Variants in GPHN observed in about 807,000 individuals in gnomAD.
GPHN encodes gephyrin.
GPHN carries 17 observed loss-of-function variants against 95.5 expected under a neutral mutation model. That is an observed-to-expected ratio of 0.18 (90% CI 0.12 to 0.27). The LOEUF (loss-of-function observed/expected upper bound fraction) is 0.27, where lower values mean the gene tolerates loss of function less well. Ranked by LOEUF, GPHN falls within the 10% of genes least tolerant of loss-of-function variation. The pLI, the probability that GPHN is intolerant of heterozygous loss-of-function variation, is 1.00. For missense variants in GPHN, 660 were observed against 978.1 expected, an observed-to-expected ratio of 0.67 and a Z score of 4.34; for synonymous variants, 320 against 322.5, an observed-to-expected ratio of 0.99 and a Z score of 0.08.
At chr14:66,861,703 T>C (rs1209342090) in intron 4 of GPHN, among the ~76,000 whole-genome samples, 6 of 152,040 alleles carry the variant, frequency 3.9e-5, no homozygotes, top group African/African-American at 1.4e-4. Context: ...TGTTGGAAAC[T>C]ATACAAACAC....
the GPHN span, among the ~76,000 whole-genome samples, chr14:67,195,701 C>T: frequency 7.0e-6 from 1 of 143,066 alleles, no homozygotes; most frequent in Non-Finnish European, 1.5e-5. Context: ...GAACTTAATG[C>T]TTTCTTTTTG....
At chr14:67,199,266 A>G in the GPHN span, 1 of 1,596,706 alleles carries the variant, frequency 6.3e-7, no homozygotes, top group Non-Finnish European at 8.6e-7. Context: ...GATGCTGACT[A>G]TGCCATTAAG....
intron 9 of GPHN, among the ~76,000 whole-genome samples, chr14:66,996,767 T>C (rs538258255): frequency 6.6e-6 from 1 of 152,272 alleles, no homozygotes; most frequent in East Asian, 1.9e-4. Context: ...TAATAATTTT[T>C]TGCTACTTAT....
the GPHN span, among the ~76,000 whole-genome samples, chr14:67,337,183 T>C: frequency 6.6e-6 from 1 of 152,254 alleles, no homozygotes; most frequent in Non-Finnish European, 1.5e-5. Flanking sequence ...TTATAGGAGA[T>C]GTTAAATGCT....
chr14:67,390,653 G>A, the GPHN span: 76 of 1,587,580 alleles, frequency 4.8e-5, no homozygotes, highest in Non-Finnish European at 6.3e-5. Context: ...GAGCCAGCAT[G>A]CGCACTCACT....
At chr14:66,578,253 G>C (rs1595056444) in intron 1 of GPHN, among the ~76,000 whole-genome samples, 1 of 151,370 alleles carries the variant, frequency 6.6e-6, no homozygotes, top group African/African-American at 2.4e-5. Flanking sequence ...CTGGTTATTA[G>C]AAATTACCCA....
chr14:67,547,304 C>G, the GPHN span, among the ~76,000 whole-genome samples: 4 of 152,188 alleles, frequency 2.6e-5, no homozygotes, highest in Admixed American at 1.3e-4. Flanking sequence ...GGCAGGAAAT[C>G]TTAAGGCCAC....
intron 9 of GPHN, among the ~76,000 whole-genome samples, chr14:66,976,196 G>A (rs138277832): frequency 0.01 from 1,559 of 152,188 alleles, 48 homozygotes; most frequent in Admixed American, 0.054. Context: ...GCTTGTCTCT[G>A]TTAAATGAAA....
the GPHN span, among the ~76,000 whole-genome samples, chr14:67,461,223 T>C: frequency 7.2e-5 from 11 of 152,188 alleles, no homozygotes. Context: ...CTACAGTCAT[T>C]GCCTCTTTTA....
chr14:66,743,097 A>G (rs1326882630), intron 2 of GPHN, among the ~76,000 whole-genome samples: 1 of 151,844 alleles, frequency 6.6e-6, no homozygotes, highest in African/African-American at 2.4e-5. Context: ...AAGACTCTGT[A>G]TTGTTTCAGT....
At chr14:66,644,415 A>G (rs2064613973) in intron 1 of GPHN, among the ~76,000 whole-genome samples, 1 of 152,046 alleles carries the variant, frequency 6.6e-6, no homozygotes, top group Admixed American at 6.6e-5. Context: ...ATGAAATTAG[A>G]TAAACCTTTA....
chr14:66,776,372 A>G, intron 2 of GPHN, 92 bp from the exon 3 acceptor site: 2 of 815,096 alleles, frequency 2.5e-6, no homozygotes. Flanking sequence ...ACTGGGAGTT[A>G]TTGGTAGCAT....
chr14:67,383,799 TC>T, the GPHN span: 5,679 of 286,252 alleles, frequency 0.02, 83 homozygotes, highest in Middle Eastern at 0.03. Flanking sequence ...AGGCAAACAA[TC>T]CCAATCTTTC....
At chr14:67,186,473 A>G (rs1268867092), downstream of GPHN, among the ~76,000 whole-genome samples, 1 of 152,196 alleles carries the variant, frequency 6.6e-6, no homozygotes, top group Non-Finnish European at 1.5e-5. Context: ...AAACACAGAT[A>G]TCAGAGACAA....
chr14:66,810,225 C>A (rs889804122), intron 3 of GPHN, among the ~76,000 whole-genome samples: 6 of 151,798 alleles, frequency 4.0e-5, no homozygotes, highest in African/African-American at 1.5e-4. Context: ...TATAGTAACA[C>A]CTATAGTACC....
chr14:67,123,925 T>C (rs1285825686), intron 17 of GPHN, among the ~76,000 whole-genome samples: 4 of 152,196 alleles, frequency 2.6e-5, no homozygotes, highest in Non-Finnish European at 4.4e-5. Flanking sequence ...GTCTAAACCT[T>C]GGACACAAGC....
intron 5 of GPHN, among the ~76,000 whole-genome samples, chr14:66,912,743 T>G (rs530142914): frequency 6.6e-6 from 1 of 152,286 alleles, no homozygotes; most frequent in East Asian, 1.9e-4. Flanking sequence ...GTCTTAATTC[T>G]AATGTACTTT....
chr14:67,422,347 G>T, the GPHN span, among the ~76,000 whole-genome samples: 1 of 152,068 alleles, frequency 6.6e-6, no homozygotes, highest in African/African-American at 2.4e-5. Context: ...TCTGCCCCCT[G>T]ACCACCCTGG....
At chr14:67,397,170 C>T in the GPHN span, among the ~76,000 whole-genome samples, 1 of 152,282 alleles carries the variant, frequency 6.6e-6, no homozygotes, top group East Asian at 1.9e-4. Context: ...AACTCCTCAC[C>T]GCAAGCAATC....
Sources: allele counts gnomAD v4.1 joint callset (sites outside exome capture counted in the v4.1 genomes callset), GRCh38; gene constraint gnomAD v4.1.1; transcripts MANE v1.5; gene names NCBI Gene and HGNC (gene_info 2026-07-23, HGNC 2026-07-21).